Variants in CCDC192 observed in about 807,000 individuals in gnomAD.
CCDC192 encodes coiled-coil domain-containing protein 192.
chr5:127,925,250 GAA>G, intron 6 of CCDC192, among the ~76,000 whole-genome samples: 1 of 152,270 alleles, frequency 6.6e-6, no homozygotes, highest in African/African-American at 2.4e-5. Context: ...GTTTATAATA[GAA>G]TATCAGAAGA....
intron 6 of CCDC192, among the ~76,000 whole-genome samples, chr5:127,939,947 C>T (rs2126343100): frequency 6.6e-6 from 1 of 152,272 alleles, no homozygotes. Flanking sequence ...TACCCAAGCC[C>T]TTGATATCTC....
intron 2 of CCDC192, among the ~76,000 whole-genome samples, chr5:127,720,921 C>T (rs942057609): frequency 6.6e-6 from 1 of 152,236 alleles, no homozygotes; most frequent in Non-Finnish European, 1.5e-5. Flanking sequence ...TGAGGCTGTA[C>T]AGAGCAGCAG....
At chr5:127,813,296 C>T (rs1314625617) in intron 5 of CCDC192, among the ~76,000 whole-genome samples, 1 of 152,016 alleles carries the variant, frequency 6.6e-6, no homozygotes. Flanking sequence ...CTAGAAGCAC[C>T]CTCAAGGAAA....
intron 6 of CCDC192, among the ~76,000 whole-genome samples, chr5:127,879,281 C>T (rs1382241058): frequency 1.1e-4 from 16 of 150,486 alleles, no homozygotes; most frequent in South Asian, 2.1e-4. Flanking sequence ...GAAGTAACAC[C>T]GCATATCTAC....
At chr5:127,741,791 C>A (rs1000760125) in intron 2 of CCDC192, among the ~76,000 whole-genome samples, 2 of 152,104 alleles carry the variant, frequency 1.3e-5, no homozygotes, top group African/African-American at 4.8e-5. Context: ...TATACAAGGT[C>A]TCTAAGAGCC....
At chr5:127,918,865 A>G (rs3081382) in intron 6 of CCDC192, among the ~76,000 whole-genome samples, 38 of 136,836 alleles carry the variant, frequency 2.8e-4, no homozygotes, top group African/African-American at 1.2e-3. Context: ...GCATGTGTGT[A>G]TATATGTATG....
chr5:127,750,289 A>G (rs1237989952), intron 2 of CCDC192, among the ~76,000 whole-genome samples: 11 of 152,120 alleles, frequency 7.2e-5, no homozygotes, highest in South Asian at 4.1e-4. Flanking sequence ...CTTTGAATGC[A>G]TCCCAGAGAT....
intron 5 of CCDC192, among the ~76,000 whole-genome samples, chr5:127,846,158 G>GCGTGC (rs1260592937): frequency 1.3e-5 from 2 of 151,874 alleles, no homozygotes; most frequent in African/African-American, 4.8e-5. Context: ...TGGTGGTGGT[G>GCGTGC]CGTGCCTGTA....
rs528993406 is a variant in CCDC192, at chr5:127,930,908, A to G, written c.536-10274A>G. Among the ~76,000 whole-genome samples the G allele has an allele frequency of 4.6e-5, 7 of 152,216 alleles. No homozygotes were observed. The South Asian group carries it at 1.5e-3, about 32-fold the overall frequency. On this transcript the variant is annotated intron_variant, in intron 6 of 6. Transcript: ENST00000514853. ...CATTTTGTGGCGTCATCTTTGAGAC[A>G]TCATCACTTGCTTTTCCGCACAAAC...
chr5:127,936,690 C>T (rs1368563628), intron 6 of CCDC192, among the ~76,000 whole-genome samples: 1 of 152,192 alleles, frequency 6.6e-6, no homozygotes, highest in South Asian at 2.1e-4. Flanking sequence ...GTTTTTCCTC[C>T]GTCTCACATA....
At chr5:127,908,962 A>G (rs78942906) in intron 6 of CCDC192, among the ~76,000 whole-genome samples, 3,181 of 152,298 alleles carry the variant, frequency 0.021, 98 homozygotes, top group African/African-American at 0.072. Flanking sequence ...TTTTTGACCA[A>G]TGAAATGTAA....
At chr5:127,866,049 C>T (rs1192667084) in intron 5 of CCDC192, among the ~76,000 whole-genome samples, 2 of 152,048 alleles carry the variant, frequency 1.3e-5, no homozygotes, top group East Asian at 3.9e-4. Flanking sequence ...GTAGGAATAA[C>T]AACCAAACTG....
rs114765241 is a variant in CCDC192 at position 127,898,992 on chromosome 5, G to A, written c.535+23331G>A. Among the ~76,000 whole-genome samples, 1,113 of 152,278 alleles carry A rather than the reference G, an allele frequency of 7.3e-3. 13 individuals are homozygous for A. The highest frequency in any genetic ancestry group is 0.026 in the African/African-American group (1,068 of 41,548). ...CTGGCTCCAGGGCAGTGGTTACAGC[G>A]AGAGTGGGTTTCTTTGAGTCAGCTA... is the stretch of plus-strand genomic sequence containing the variant. On this transcript the variant is annotated intron_variant, in intron 6 of 6. Transcript: ENST00000514853.
At chr5:127,839,878 T>G (rs1347696231) in intron 5 of CCDC192, among the ~76,000 whole-genome samples, 1 of 152,186 alleles carries the variant, frequency 6.6e-6, no homozygotes, top group African/African-American at 2.4e-5. Flanking sequence ...CAAATTCTTA[T>G]TTCAGAGATT....
At chr5:127,787,018 GT>G (rs1406681421) in intron 3 of CCDC192, 1 of 323,824 alleles carries the variant, frequency 3.1e-6, no homozygotes, top group Non-Finnish European at 6.1e-6. Context: ...GGCCATGGGG[GT>G]TCTGGCTCCG....
intron 2 of CCDC192, among the ~76,000 whole-genome samples, chr5:127,744,077 G>A (rs538618490): frequency 2.3e-4 from 30 of 129,762 alleles, no homozygotes; most frequent in Middle Eastern, 6.1e-3. Flanking sequence ...CTGGGCTACA[G>A]AGCGAGACTC....
intron 3 of CCDC192, among the ~76,000 whole-genome samples, chr5:127,790,215 G>C (rs1756787164): frequency 6.6e-6 from 1 of 152,150 alleles, no homozygotes; most frequent in Non-Finnish European, 1.5e-5. Flanking sequence ...TTGGATGTAT[G>C]TGGGACTCAT....
intron 6 of CCDC192, among the ~76,000 whole-genome samples, chr5:127,910,146 C>T (rs1373741307): frequency 4.6e-5 from 7 of 152,298 alleles, no homozygotes; most frequent in Middle Eastern, 3.4e-3. Context: ...TTTGCATCTT[C>T]TGCATGAAGC....
intron 6 of CCDC192, among the ~76,000 whole-genome samples, chr5:127,900,588 G>C (rs1446448180): frequency 6.6e-6 from 1 of 152,168 alleles, no homozygotes; most frequent in African/African-American, 2.4e-5. Context: ...TTTCTCCTTA[G>C]CCAGATGCTT....
Sources: gnomAD v4.1 joint callset for allele counts (sites outside exome capture counted in the v4.1 genomes callset) on GRCh38, gnomAD v4.1.1 for gene constraint, MANE v1.5 for transcripts, NCBI Gene and HGNC (gene_info 2026-07-23, HGNC 2026-07-21) for gene names.